The following LRRC4C variants were observed in gnomAD, a reference collection of about 807,000 sequenced individuals.
LRRC4C encodes the protein leucine-rich repeat-containing protein 4C.
In LRRC4C, 5 loss-of-function variants were observed where a neutral mutation model predicts 33.6. That is an observed-to-expected ratio of 0.15 (90% CI 0.08 to 0.31). The LOEUF (loss-of-function observed/expected upper bound fraction) is 0.31, where lower values mean the gene tolerates loss of function less well. LRRC4C is among the 10% of genes least tolerant of loss of function. LRRC4C has a pLI of 1.00. For missense variants in LRRC4C, 560 were observed against 796.7 expected, an observed-to-expected ratio of 0.70 and a Z score of 3.58; for synonymous variants, 329 against 302.0, an observed-to-expected ratio of 1.09 and a Z score of -0.93.
rs560419135 is a variant in LRRC4C, at chr11:40,572,130, G to T, written c.-270+76012C>A. Among the ~76,000 whole-genome samples the T allele has an allele frequency of 2.5e-4, 38 of 152,256 alleles. 1 individual carries two copies. In the South Asian group the frequency reaches 4.4e-3, roughly 17 times the overall value. On this transcript the variant is annotated intron_variant, in intron 3 of 6. Transcript: ENST00000528697. The stretch of plus-strand genomic sequence containing the variant: ...CTATTAATTGTTCAACATAAAGCAG[G>T]AACAAACAGTCATTTTGTTCATATG...
At chr11:40,385,151 A>T (rs960065490) in intron 3 of LRRC4C, among the ~76,000 whole-genome samples, 1 of 152,230 alleles carries the variant, frequency 6.6e-6, no homozygotes, top group East Asian at 1.9e-4. Flanking sequence ...GGTTTCTAAT[A>T]CATGTTCACA....
chr11:40,979,127 A>C (rs1852313608), intron 1 of LRRC4C, among the ~76,000 whole-genome samples: 1 of 152,192 alleles, frequency 6.6e-6, no homozygotes, highest in Non-Finnish European at 1.5e-5. Flanking sequence ...AACTTAGAAA[A>C]GCTTTTCCTG....
intron 1 of LRRC4C, among the ~76,000 whole-genome samples, chr11:41,287,354 G>T (rs1276350152): frequency 6.6e-6 from 1 of 152,122 alleles, no homozygotes; most frequent in African/African-American, 2.4e-5. Flanking sequence ...TGATGGAAGG[G>T]TTTCTTACTC....
At chr11:41,000,401 G>T (rs1237088079) in intron 1 of LRRC4C, among the ~76,000 whole-genome samples, 1 of 152,116 alleles carries the variant, frequency 6.6e-6, no homozygotes, top group East Asian at 1.9e-4. Flanking sequence ...TTAGAATAGA[G>T]GTCACAAATA....
At chr11:41,340,796 C>T (rs1951609447) in intron 1 of LRRC4C, among the ~76,000 whole-genome samples, 1 of 152,174 alleles carries the variant, frequency 6.6e-6, no homozygotes, top group African/African-American at 2.4e-5. Flanking sequence ...AAGGAGAGTA[C>T]TTCACACATG....
intron 3 of LRRC4C, among the ~76,000 whole-genome samples, chr11:40,642,859 T>TTAA (rs1294436926): frequency 1.3e-5 from 2 of 152,336 alleles, no homozygotes; most frequent in East Asian, 3.9e-4. Context: ...GATTATTATG[T>TTAA]TAACATTTTA....
intron 1 of LRRC4C, among the ~76,000 whole-genome samples, chr11:40,965,347 T>C (rs960020551): frequency 6.6e-6 from 1 of 152,160 alleles, no homozygotes; most frequent in Non-Finnish European, 1.5e-5. Context: ...TGGTTTCTTT[T>C]GCTGTGCAGA....
chr11:40,382,417 C>T (rs1948918186), intron 3 of LRRC4C, among the ~76,000 whole-genome samples: 1 of 151,420 alleles, frequency 6.6e-6, no homozygotes, highest in Admixed American at 6.6e-5. Context: ...TTAAAATGTA[C>T]AACTAAATAC....
chr11:41,191,304 ACT>A (rs147578673), intron 1 of LRRC4C, among the ~76,000 whole-genome samples: 3 of 152,030 alleles, frequency 2.0e-5, no homozygotes, highest in East Asian at 1.9e-4. Flanking sequence ...CCTGCTGTGG[ACT>A]CTCTACTTTA....
intron 1 of LRRC4C, among the ~76,000 whole-genome samples, chr11:41,360,394 A>G (rs1446693522): frequency 1.3e-5 from 2 of 151,734 alleles, no homozygotes; most frequent in Non-Finnish European, 2.9e-5. Context: ...TTTGAAAAAA[A>G]TGGAAATGAG....
At chr11:40,147,729 TTTTTTC>T (rs1857861613) in intron 5 of LRRC4C, among the ~76,000 whole-genome samples, 2 of 152,256 alleles carry the variant, frequency 1.3e-5, no homozygotes, top group South Asian at 4.1e-4. Context: ...GGAAACTTTA[TTTTTTC>T]TTTTTCTTTT....
At chr11:40,749,003 A>AAG (rs553964758) in intron 2 of LRRC4C, among the ~76,000 whole-genome samples, 12 of 151,692 alleles carry the variant, frequency 7.9e-5, no homozygotes, top group East Asian at 1.9e-4. Context: ...ACTACATCTA[A>AAG]AGAGAGAGAG....
chr11:40,608,431 A>C (rs1051150406), intron 3 of LRRC4C, among the ~76,000 whole-genome samples: 2 of 152,098 alleles, frequency 1.3e-5, no homozygotes, highest in Admixed American at 1.3e-4. Flanking sequence ...ACTACAAAAA[A>C]GAAATTCAAC....
At chr11:41,406,706 C>CCA (rs112867786) in intron 1 of LRRC4C, among the ~76,000 whole-genome samples, 8,443 of 138,158 alleles carry the variant, frequency 0.061, 254 homozygotes, top group Middle Eastern at 0.095. Flanking sequence ...TACACATTCA[C>CCA]CACACACACA....
At chr11:40,683,920 A>G (rs953187035) in intron 2 of LRRC4C, among the ~76,000 whole-genome samples, 8 of 152,200 alleles carry the variant, frequency 5.3e-5, no homozygotes, top group Non-Finnish European at 1.2e-4. Flanking sequence ...AATGCATCAC[A>G]TCTATGGGAA....
intron 1 of LRRC4C, among the ~76,000 whole-genome samples, chr11:40,970,405 C>T (rs1471703193): frequency 1.3e-5 from 2 of 152,150 alleles, no homozygotes; most frequent in Non-Finnish European, 2.9e-5. Flanking sequence ...ACTTCCCCTT[C>T]ACCTTTCACC....
At chr11:41,021,807 CT>C (rs1193818533) in intron 1 of LRRC4C, among the ~76,000 whole-genome samples, 2 of 151,980 alleles carry the variant, frequency 1.3e-5, no homozygotes, top group Admixed American at 1.3e-4. Flanking sequence ...CCCCACACCC[CT>C]CTATATGCAT....
Position 41,458,545 on chromosome 11 carries a change from G to T in LRRC4C, c.-496+886C>A, listed in dbSNP as rs367800024. ...TTTCACTTTGAAGGAAAAGCGTGGTGGGGGGGAGGGGGGCGGGTGAAGAAA... is the reference window on the plus strand; with the variant it reads ...TTTCACTTTGAAGGAAAAGCGTGGTTGGGGGGAGGGGGGCGGGTGAAGAAA... On this transcript the variant is annotated intron_variant, in intron 1 of 6. Transcript: ENST00000528697. Among the ~76,000 whole-genome samples the T allele has an allele frequency of 6.5e-5, 9 of 139,306 alleles. No individual in the cohort carries two copies. The South Asian group carries it at 1.9e-3, about 29-fold the overall frequency. The allele number at this position is 139,306 out of a possible 152,430, so 91.4% of individuals were successfully genotyped here.
chr11:40,370,270 T>C (rs1049434601), intron 3 of LRRC4C, among the ~76,000 whole-genome samples: 2 of 152,060 alleles, frequency 1.3e-5, no homozygotes, highest in African/African-American at 2.4e-5. Context: ...GAATGCAAAA[T>C]GCCAACCTAA....
Sources: allele counts gnomAD v4.1 joint callset (sites outside exome capture counted in the v4.1 genomes callset), GRCh38; gene constraint gnomAD v4.1.1; transcripts MANE v1.5; gene names NCBI Gene and HGNC (gene_info 2026-07-23, HGNC 2026-07-21).